Variants in SAMD5 observed in about 807,000 individuals in gnomAD.
SAMD5 encodes sterile alpha motif domain-containing protein 5.
A neutral mutation model predicts 11.3 loss-of-function variants in SAMD5; 13 were observed. The observed-to-expected ratio is 1.15, with a 90% CI of 0.75 to 1.83. The LOEUF (loss-of-function observed/expected upper bound fraction) is 1.83, where lower values mean the gene tolerates loss of function less well. Ranked by LOEUF, SAMD5 falls within the 40% of genes most tolerant of loss-of-function variation. The pLI, the probability that SAMD5 is intolerant of heterozygous loss-of-function variation, is 0.00. For synonymous variants in SAMD5, 129 were observed against 111.3 expected (o/e 1.16, Z -1.00); for missense variants, 255 against 239.1 (o/e 1.07, Z -0.44).
At chr6:147,675,766 A>T (rs2128455897) in intron 1 of SAMD5, among the ~76,000 whole-genome samples, 1 of 152,296 alleles carries the variant, frequency 6.6e-6, no homozygotes, top group Middle Eastern at 3.4e-3. Flanking sequence ...AAATTATAAC[A>T]CCTTCATAGA....
At chr6:147,698,643 A>G (rs1446430200) in intron 1 of SAMD5, among the ~76,000 whole-genome samples, 2 of 152,196 alleles carry the variant, frequency 1.3e-5, no homozygotes, top group Non-Finnish European at 2.9e-5. Context: ...TACACAAAGG[A>G]TCTACCATGT....
At chr6:147,920,615 T>C in the SAMD5 span, among the ~76,000 whole-genome samples, 2 of 152,186 alleles carry the variant, frequency 1.3e-5, no homozygotes, top group African/African-American at 4.8e-5. Context: ...CACCAAATAA[T>C]TGTAGACTGT....
chr6:147,679,651 A>G (rs1051498590), intron 1 of SAMD5, among the ~76,000 whole-genome samples: 5 of 152,018 alleles, frequency 3.3e-5, no homozygotes, highest in Non-Finnish European at 5.9e-5. Flanking sequence ...GAGTTTTTAA[A>G]TGTTGATAAA....
chr6:147,584,340 GT>G (rs1452613583), intron 1 of SAMD5, among the ~76,000 whole-genome samples: 3 of 152,186 alleles, frequency 2.0e-5, no homozygotes, highest in African/African-American at 7.2e-5. Flanking sequence ...CCTTTATCTT[GT>G]ATTATATTGA....
chr6:147,621,054 A>G (rs1789955598), intron 1 of SAMD5, among the ~76,000 whole-genome samples: 1 of 152,122 alleles, frequency 6.6e-6, no homozygotes, highest in Non-Finnish European at 1.5e-5. Flanking sequence ...CAAATAGGCA[A>G]TCATAAAGGT....
At chr6:147,819,814 TAAG>T in the SAMD5 span, among the ~76,000 whole-genome samples, 5 of 152,084 alleles carry the variant, frequency 3.3e-5, no homozygotes, top group East Asian at 1.9e-4. Flanking sequence ...TTGCTAGAGT[TAAG>T]AAGAATGTGG....
intron 1 of SAMD5, among the ~76,000 whole-genome samples, chr6:147,592,415 C>T (rs79539476): frequency 0.035 from 5,326 of 152,110 alleles, 127 homozygotes; most frequent in Middle Eastern, 0.075. Flanking sequence ...GGGAGAGGCA[C>T]TTCACATGGT....
chr6:147,796,260 G>A, the SAMD5 span, among the ~76,000 whole-genome samples: 1 of 151,720 alleles, frequency 6.6e-6, no homozygotes, highest in Non-Finnish European at 1.5e-5. Flanking sequence ...GTAAGGAAGG[G>A]ATCCAGTTTC....
chr6:147,756,834 C>T, the SAMD5 span, among the ~76,000 whole-genome samples: 2 of 152,182 alleles, frequency 1.3e-5, no homozygotes, highest in Admixed American at 6.5e-5. Context: ...ATCTGATAGT[C>T]GTGTCGTGTA....
At chr6:147,693,101 A>G (rs995917616) in intron 1 of SAMD5, among the ~76,000 whole-genome samples, 4 of 152,214 alleles carry the variant, frequency 2.6e-5, no homozygotes, top group African/African-American at 9.6e-5. Flanking sequence ...CAATAGCTAC[A>G]CAAGGCCTGG....
chr6:147,666,307 G>A (rs1279860718), intron 1 of SAMD5, among the ~76,000 whole-genome samples: 1 of 152,030 alleles, frequency 6.6e-6, no homozygotes, highest in Non-Finnish European at 1.5e-5. Flanking sequence ...TAAAAGATGT[G>A]TATCGGATGT....
chr6:147,638,199 G>A (rs1790259372), intron 1 of SAMD5, among the ~76,000 whole-genome samples: 1 of 152,080 alleles, frequency 6.6e-6, no homozygotes, highest in South Asian at 2.1e-4. Flanking sequence ...TTTTAAACGT[G>A]TCTATTTCTG....
chr6:147,771,117 T>G, the SAMD5 span, among the ~76,000 whole-genome samples: 2 of 152,232 alleles, frequency 1.3e-5, no homozygotes, highest in Non-Finnish European at 2.9e-5. Flanking sequence ...AATCAGGGCT[T>G]CTGAATAATG....
the SAMD5 span, among the ~76,000 whole-genome samples, chr6:147,853,476 T>C: frequency 5.3e-5 from 8 of 151,942 alleles, no homozygotes; most frequent in Non-Finnish European, 1.0e-4. Context: ...TAGGTTATAT[T>C]CCTGATCAGA....
intron 1 of SAMD5, among the ~76,000 whole-genome samples, chr6:147,597,598 G>C (rs1366521426): frequency 1.3e-5 from 2 of 152,144 alleles, no homozygotes; most frequent in African/African-American, 4.8e-5. Context: ...AAAGAGAAGA[G>C]TCATCACATT....
the SAMD5 span, among the ~76,000 whole-genome samples, chr6:147,859,137 C>T: frequency 5.3e-5 from 8 of 152,102 alleles, no homozygotes; most frequent in African/African-American, 7.2e-5. Flanking sequence ...TTACTACCCT[C>T]GGAGATGGGC....
chr6:147,715,057 G>A (rs1212655407), intron 1 of SAMD5, among the ~76,000 whole-genome samples: 2 of 152,108 alleles, frequency 1.3e-5, no homozygotes, highest in Non-Finnish European at 2.9e-5. Flanking sequence ...TACAGGAAAG[G>A]GTAGAGTTTT....
chr6:147,555,552 G>C (rs144139563), intron 1 of SAMD5, among the ~76,000 whole-genome samples: 2 of 152,084 alleles, frequency 1.3e-5, no homozygotes, highest in Non-Finnish European at 2.9e-5. Context: ...TACCTTGGGT[G>C]GTGATATTAA....
At chr6:147,585,255 G>A (rs2128446654) in intron 1 of SAMD5, among the ~76,000 whole-genome samples, 1 of 152,294 alleles carries the variant, frequency 6.6e-6, no homozygotes, top group East Asian at 1.9e-4. Flanking sequence ...ACATTGACAA[G>A]TTCAAGTGAA....
Sources: allele counts gnomAD v4.1 joint callset (sites outside exome capture counted in the v4.1 genomes callset), GRCh38; gene constraint gnomAD v4.1.1; transcripts MANE v1.5; gene names NCBI Gene and HGNC (gene_info 2026-07-23, HGNC 2026-07-21).